STK3: variants seen among roughly 807,000 people sequenced by gnomAD.
The protein encoded by STK3 is serine/threonine-protein kinase 3.
STK3 carries 41 observed loss-of-function variants against 58.0 expected under a neutral mutation model. The ratio of observed to expected loss-of-function variants is 0.71; its 90% CI spans 0.55 to 0.92. The LOEUF (loss-of-function observed/expected upper bound fraction) is 0.92. STK3 is among the 40% of genes least tolerant of loss of function. STK3 has a pLI of 0.00. For missense variants in STK3, 479 were observed against 602.7 expected, an observed-to-expected ratio of 0.79 and a Z score of 2.15; for synonymous variants, 170 against 191.0, an observed-to-expected ratio of 0.89 and a Z score of 0.91.
At chr8:98,595,879 G>A (rs1414406286) in intron 7 of STK3, 153 bp downstream of exon 7, 6 of 770,834 alleles carry the variant, frequency 7.8e-6, no homozygotes, top group South Asian at 3.4e-5. Context: ...GAGGGGACGA[G>A]AGGGGAGGAA....
At chr8:98,831,061 T>C (rs934747734) in intron 3 of STK3, among the ~76,000 whole-genome samples, 1 of 151,894 alleles carries the variant, frequency 6.6e-6, no homozygotes, top group African/African-American at 2.4e-5. Flanking sequence ...TACACTTTAA[T>C]TATACTAGCA....
chr8:98,606,451 T>C (rs151175254), intron 6 of STK3: 2 of 152,184 alleles, frequency 1.3e-5, no homozygotes, highest in African/African-American at 2.4e-5. Context: ...TCCAGAGATA[T>C]AAATGTCTTT....
chr8:98,448,346 A>G (rs536522197), intron 1 of STK3, among the ~76,000 whole-genome samples: 2 of 152,312 alleles, frequency 1.3e-5, no homozygotes, highest in Admixed American at 1.3e-4. Context: ...AAACAATTCC[A>G]CATTTCAGAT....
chr8:98,548,496 T>C (rs1478293270), intron 8 of STK3, among the ~76,000 whole-genome samples: 1 of 152,114 alleles, frequency 6.6e-6, no homozygotes, highest in East Asian at 1.9e-4. Flanking sequence ...TGAGAGCACC[T>C]TTAAGACAGA....
rs370266364 is a variant in STK3 at position 98,706,554 on chromosome 8, G to A, written c.597C>T (p.Asn199=). Residue 199 remains asparagine (N), a synonymous_variant, in exon 6 of 11, where the codon AAC becomes AAT. Transcript: ENST00000419617. The part of the protein sequence containing the change: ...APEVIQEIGY[N]CVADIWSLGI... Reference sequence around the variant, plus strand: ...CAAGGGACCAGATGTCGGCCACACAGTTATAGCCTATTTCTTGAATCACCT... The same window carrying A: ...CAAGGGACCAGATGTCGGCCACACAATTATAGCCTATTTCTTGAATCACCT... The A allele has an allele frequency of 4.3e-6, 7 of 1,613,826 alleles. No homozygotes were observed. The highest frequency in any genetic ancestry group is 5.9e-6 in the Non-Finnish European group (7 of 1,179,862).
At chr8:98,925,210 A>G (rs982533080) in intron 1 of STK3, among the ~76,000 whole-genome samples, 2 of 152,214 alleles carry the variant, frequency 1.3e-5, no homozygotes, top group Non-Finnish European at 2.9e-5. Context: ...GGTCTCCTGA[A>G]AACCCATAAG....
At chr8:98,348,239 T>A in the STK3 span, among the ~76,000 whole-genome samples, 1 of 152,198 alleles carries the variant, frequency 6.6e-6, no homozygotes, top group Admixed American at 6.5e-5. Flanking sequence ...AGACTTTACA[T>A]CCTTCACAAA....
chr8:98,738,595 T>A (rs983395477), intron 4 of STK3, among the ~76,000 whole-genome samples: 22 of 152,180 alleles, frequency 1.4e-4, no homozygotes, highest in African/African-American at 5.3e-4. Context: ...AAGAACATAT[T>A]TCTGGATCCG....
chr8:98,533,109 G>A (rs1423684579), intron 9 of STK3, among the ~76,000 whole-genome samples: 1 of 152,208 alleles, frequency 6.6e-6, no homozygotes, highest in East Asian at 1.9e-4. Flanking sequence ...GTCTGTCAAT[G>A]AACACTTGGG....
At chr8:98,394,405 G>C (rs936733883) in intron 3 of STK3, among the ~76,000 whole-genome samples, 2 of 152,024 alleles carry the variant, frequency 1.3e-5, no homozygotes, top group African/African-American at 2.4e-5. Flanking sequence ...TTTCAGCCAG[G>C]CACAGTGGCT....
chr8:98,508,970 A>C (rs1824293188), intron 10 of STK3, among the ~76,000 whole-genome samples: 1 of 152,144 alleles, frequency 6.6e-6, no homozygotes, highest in Non-Finnish European at 1.5e-5. Flanking sequence ...ACAAAAACTC[A>C]GGGAAACTCA....
At chr8:98,744,588 G>T (rs1305996590) in intron 4 of STK3, among the ~76,000 whole-genome samples, 1 of 109,390 alleles carries the variant, frequency 9.1e-6, no homozygotes, top group Non-Finnish European at 1.8e-5. Context: ...GTTGTGGGGT[G>T]GGGGGTGGGG....
chr8:98,688,224 T>C (rs1292436368), intron 6 of STK3, among the ~76,000 whole-genome samples: 1 of 152,158 alleles, frequency 6.6e-6, no homozygotes, highest in African/African-American at 2.4e-5. Flanking sequence ...GACTTAACTA[T>C]CCTTAAATAT....
intron 6 of STK3, among the ~76,000 whole-genome samples, chr8:98,664,832 G>A (rs553917801): frequency 4.9e-4 from 75 of 151,960 alleles, no homozygotes; most frequent in African/African-American, 1.6e-3. Context: ...CCCGGGAGGC[G>A]GAGGTTGCAG....
intron 4 of STK3, among the ~76,000 whole-genome samples, chr8:98,717,826 A>G (rs1173330384): frequency 6.6e-6 from 1 of 152,228 alleles, no homozygotes; most frequent in Non-Finnish European, 1.5e-5. Context: ...ATGAATAAGT[A>G]AAATGTGGTA....
At chr8:98,583,126 TTAAA>T (rs1814072578) in intron 7 of STK3, among the ~76,000 whole-genome samples, 1 of 152,138 alleles carries the variant, frequency 6.6e-6, no homozygotes, top group Non-Finnish European at 1.5e-5. Flanking sequence ...ACTTTTTTTT[TTAAA>T]TAAAAACAGA....
chr8:98,923,431 T>G (rs1839648452), intron 1 of STK3, among the ~76,000 whole-genome samples: 1 of 152,194 alleles, frequency 6.6e-6, no homozygotes, highest in African/African-American at 2.4e-5. Flanking sequence ...CATTGATAGT[T>G]GGCAAAGATG....
At chr8:98,838,749 C>T (rs920914946) in intron 3 of STK3, among the ~76,000 whole-genome samples, 4 of 152,040 alleles carry the variant, frequency 2.6e-5, no homozygotes, top group Non-Finnish European at 5.9e-5. Flanking sequence ...TCCTCTTTAC[C>T]GGTCTTTTTC....
intron 3 of STK3, among the ~76,000 whole-genome samples, chr8:98,423,335 G>A (rs975958464): frequency 2.6e-5 from 4 of 152,250 alleles, no homozygotes; most frequent in African/African-American, 4.8e-5. Flanking sequence ...GGCCTGCCCC[G>A]TGAACCGCCA....
Sources: gnomAD v4.1 joint callset for allele counts (sites outside exome capture counted in the v4.1 genomes callset) on GRCh38, gnomAD v4.1.1 for gene constraint, MANE v1.5 for transcripts, NCBI Gene and HGNC (gene_info 2026-07-23, HGNC 2026-07-21) for gene names.